TMTC2: variants seen among roughly 807,000 people sequenced by gnomAD.
TMTC2 encodes the protein protein O-mannosyl-transferase TMTC2.
TMTC2 carries 43 observed loss-of-function variants against 82.4 expected under a neutral mutation model. The ratio of observed to expected loss-of-function variants is 0.52; its 90% CI spans 0.41 to 0.67. The LOEUF is 0.67. Ranked by LOEUF, TMTC2 falls within the 30% of genes least tolerant of loss-of-function variation. The probability of loss-of-function intolerance (pLI) is 0.00; values close to 1 mark genes in which losing one functional copy is unlikely to be tolerated. For missense variants in TMTC2, 919 were observed against 1,012.4 expected, an observed-to-expected ratio of 0.91 and a Z score of 1.25; for synonymous variants, 408 against 381.9, an observed-to-expected ratio of 1.07 and a Z score of -0.80.
At chr12:82,729,174 C>T (rs1252835557) in intron 1 of TMTC2, among the ~76,000 whole-genome samples, 1 of 152,208 alleles carries the variant, frequency 6.6e-6, no homozygotes, top group Non-Finnish European at 1.5e-5. Flanking sequence ...TGGGTGAAGC[C>T]AGTTGGGCTC....
chr12:83,057,234 C>A, intron 10 of TMTC2, among the ~76,000 whole-genome samples: 1 of 151,890 alleles, frequency 6.6e-6, no homozygotes, highest in East Asian at 1.9e-4. Context: ...CAGTTTGAGG[C>A]CGTGAAAGAA....
At chr12:82,795,062 T>C (rs1592527821) in intron 1 of TMTC2, among the ~76,000 whole-genome samples, 2 of 152,022 alleles carry the variant, frequency 1.3e-5, no homozygotes, top group Admixed American at 6.6e-5. Context: ...CCCAGCACTT[T>C]GGGAGGCTGA....
chr12:82,855,607 A>G (rs1419591617), intron 1 of TMTC2, among the ~76,000 whole-genome samples: 1 of 152,186 alleles, frequency 6.6e-6, no homozygotes, highest in Non-Finnish European at 1.5e-5. Flanking sequence ...CTGTAAATAC[A>G]GAGATAGGTT....
Position 83,023,035 on chromosome 12 carries a change from A to C in TMTC2, c.2071-7763A>C, listed in dbSNP as rs151018165. Among the ~76,000 whole-genome samples the C allele has an allele frequency of 3.4e-3, 513 of 152,352 alleles. 6 individuals are homozygous for C. Among genetic ancestry groups the C allele is most frequent in the East Asian group, 0.025 (132 of 5,192 alleles). Reference sequence around the variant, plus strand: ...TCTTTGTATTTAAAGGTATTTTCTTAGGACAAATAGGTAGAAATAGAATCA... The same window carrying C: ...TCTTTGTATTTAAAGGTATTTTCTTCGGACAAATAGGTAGAAATAGAATCA... On this transcript the variant is annotated intron_variant, in intron 8 of 11. Coordinates refer to ENST00000321196, the MANE Select transcript of TMTC2 (RefSeq NM_152588.3).
chr12:83,093,527 G>T (rs1040299812), intron 11 of TMTC2, among the ~76,000 whole-genome samples: 1 of 152,184 alleles, frequency 6.6e-6, no homozygotes, highest in African/African-American at 2.4e-5. Context: ...ACGTTTTTCT[G>T]TGTGTTAAGT....
At chr12:82,810,610 T>G (rs1879448300) in intron 1 of TMTC2, among the ~76,000 whole-genome samples, 1 of 152,090 alleles carries the variant, frequency 6.6e-6, no homozygotes, top group Admixed American at 6.6e-5. Flanking sequence ...TTTCATTCAC[T>G]TTATGCAGGA....
At chr12:83,081,890 A>C (rs572320177) in intron 11 of TMTC2, among the ~76,000 whole-genome samples, 1 of 152,242 alleles carries the variant, frequency 6.6e-6, no homozygotes, top group South Asian at 2.1e-4. Flanking sequence ...AATAAAAAAA[A>C]TAGCCAGGTG....
chr12:82,818,977 T>A (rs1868914457), intron 1 of TMTC2, among the ~76,000 whole-genome samples: 3 of 152,122 alleles, frequency 2.0e-5, no homozygotes, highest in Non-Finnish European at 4.4e-5. Context: ...TGTGAAAAGA[T>A]AACTTACGGA....
chr12:82,777,819 T>A (rs1197208618), intron 1 of TMTC2, among the ~76,000 whole-genome samples: 1 of 152,088 alleles, frequency 6.6e-6, no homozygotes, highest in Non-Finnish European at 1.5e-5. Context: ...CTTCAGTGGC[T>A]CCTAAATTGT....
intron 3 of TMTC2, among the ~76,000 whole-genome samples, chr12:82,900,768 AGAGGT>A (rs1282256353): frequency 7.7e-6 from 1 of 129,760 alleles, no homozygotes; most frequent in African/African-American, 2.8e-5. Flanking sequence ...ATATATATAG[AGAGGT>A]ATATATATAG....
intron 4 of TMTC2, among the ~76,000 whole-genome samples, chr12:82,961,205 T>C (rs1877912096): frequency 7.8e-6 from 1 of 127,534 alleles, no homozygotes; most frequent in Non-Finnish European, 1.6e-5. Flanking sequence ...TTATTATTAT[T>C]ATTATTATTA....
rs1208637632 is a variant in TMTC2, at chr12:82,857,599, T to C, written c.654+19T>C. On this transcript the variant is annotated intron_variant, in intron 2 of 11. Coordinates refer to ENST00000321196, the MANE Select transcript of TMTC2 (RefSeq NM_152588.3). ...TTACAAAGTAAGTGATTGTTGGCTC[T>C]TGAGCATTGGATTACTGAGTAATCT... 1 of 1,577,212 alleles carries C rather than the reference T, an allele frequency of 6.3e-7. No individual in the cohort carries two copies. Among genetic ancestry groups the C allele is most frequent in the East Asian group, 2.2e-5 (1 of 44,626 alleles).
chr12:82,896,240 G>A lies in TMTC2; in HGVS notation c.1077G>A (p.Glu359=), dbSNP rs1372141836. The change falls in exon 3 of 12, where the codon GAG becomes GAA. Residue 359 remains glutamate, a synonymous_variant. Coordinates refer to ENST00000321196, the MANE Select transcript of TMTC2 (RefSeq NM_152588.3). ...GACATAGCTGCCTTTCAGATGTGGAGTACCAGAACTCAGAGACTAAGTCCA... is the reference window on the plus strand; with the variant it reads ...GACATAGCTGCCTTTCAGATGTGGAATACCAGAACTCAGAGACTAAGTCCA... ...ANGHSCLSDV[E]YQNSETKSSF... 3.1e-6 allele frequency: 5 copies of A among 1,614,046 alleles called. No individual in the cohort carries two copies. Among genetic ancestry groups the A allele is most frequent in the Non-Finnish European group, 4.2e-6 (5 of 1,180,032 alleles).
At chr12:82,918,272 A>G (rs1248026821) in intron 3 of TMTC2, among the ~76,000 whole-genome samples, 2 of 152,330 alleles carry the variant, frequency 1.3e-5, no homozygotes, top group East Asian at 3.9e-4. Flanking sequence ...TACTATATTA[A>G]GTGCAAATAA....
chr12:82,703,290 G>A lies in TMTC2; in HGVS notation c.83+15621G>A, dbSNP rs570152384. On this transcript the variant is annotated intron_variant, in intron 1 of 11. Coordinates refer to ENST00000321196, the MANE Select transcript of TMTC2 (RefSeq NM_152588.3). ...GAAGGTGTAGTTATCTATTATGAGG[G>A]GAGAAGTTTAAGTATGACCTCCCTA... Among the ~76,000 whole-genome samples, 153 of 152,114 alleles carry A rather than the reference G, an allele frequency of 1.0e-3. 1 individual carries two copies. The highest frequency in any genetic ancestry group is 3.5e-3 in the African/African-American group (145 of 41,510).
At chr12:83,079,247 C>T (rs1472668337) in intron 11 of TMTC2, among the ~76,000 whole-genome samples, 1 of 151,882 alleles carries the variant, frequency 6.6e-6, no homozygotes, top group Non-Finnish European at 1.5e-5. Flanking sequence ...AGATCTTCCC[C>T]TATGGAACCT....
chr12:82,945,812 T>G (rs180779001), intron 4 of TMTC2, among the ~76,000 whole-genome samples: 1 of 152,314 alleles, frequency 6.6e-6, no homozygotes, highest in African/African-American at 2.4e-5. Context: ...CTTAATTTAC[T>G]TTCTTTCTTG....
At chr12:82,705,955 T>C (rs2136905470) in intron 1 of TMTC2, among the ~76,000 whole-genome samples, 1 of 152,208 alleles carries the variant, frequency 6.6e-6, no homozygotes, top group Middle Eastern at 3.4e-3. Flanking sequence ...AAGGAGGCAC[T>C]TGTGAGATGC....
chr12:83,045,299 T>C (rs1410189494), intron 9 of TMTC2, among the ~76,000 whole-genome samples: 1 of 152,190 alleles, frequency 6.6e-6, no homozygotes, highest in African/African-American at 2.4e-5. Context: ...TTTCTCCCTG[T>C]AATTTGTGAT....
Sources: gnomAD v4.1 joint callset for allele counts (sites outside exome capture counted in the v4.1 genomes callset) on GRCh38, gnomAD v4.1.1 for gene constraint, MANE v1.5 for transcripts, NCBI Gene and HGNC (gene_info 2026-07-23, HGNC 2026-07-21) for gene names.